C8A: variants seen among roughly 807,000 people sequenced by gnomAD.
C8A encodes complement C8 alpha chain.
C8A carries 67 observed loss-of-function variants against 65.3 expected under a neutral mutation model. The observed-to-expected ratio is 1.03, with a 90% CI of 0.84 to 1.26. C8A has a LOEUF of 1.26. Ranked by LOEUF, C8A falls within the 50% of genes most tolerant of loss-of-function variation. C8A has a pLI of 0.00. For missense variants in C8A, 781 were observed against 723.9 expected, an observed-to-expected ratio of 1.08 and a Z score of -0.90; for synonymous variants, 290 against 259.4, an observed-to-expected ratio of 1.12 and a Z score of -1.13.
At chr1:56,855,387 C>T (rs1033144389) in intron 1 of C8A, among the ~76,000 whole-genome samples, 7 of 152,120 alleles carry the variant, frequency 4.6e-5, no homozygotes, top group African/African-American at 1.7e-4. Flanking sequence ...GTTAACTTAA[C>T]CCCTACTTTC....
At chr1:56,888,770 G>A (rs1249066563) in intron 7 of C8A, among the ~76,000 whole-genome samples, 2 of 152,094 alleles carry the variant, frequency 1.3e-5, no homozygotes, top group African/African-American at 2.4e-5. Flanking sequence ...AACATTTGTT[G>A]AGCACCTACT....
Position 56,906,762 on chromosome 1 carries a change from C to A in C8A, c.1192C>A (p.His398Asn). 6.2e-7 allele frequency: 1 copy of A among 1,613,980 alleles called. No homozygotes were observed. Among genetic ancestry groups the A allele is most frequent in the Non-Finnish European group, 8.5e-7 (1 of 1,179,948 alleles). ...TGTTGGTGGAGGTTTATCAGGAGACCATTGTAAAAAATTTGGAGGTGGCAA... is the reference window on the plus strand; with the variant it reads ...TGTTGGTGGAGGTTTATCAGGAGACAATTGTAAAAAATTTGGAGGTGGCAA... ...INVGGGLSGDHCKKFGGGKTE... is the reference protein window; with the variant it reads ...INVGGGLSGDNCKKFGGGKTE... The change falls in exon 8 of 11, where the codon CAT (histidine) becomes AAT (asparagine). Residue 398 changes from histidine to asparagine, a missense_variant. By Grantham distance (68) the His-to-Asn change is moderately conservative. Coordinates refer to ENST00000361249, the MANE Select transcript of C8A (RefSeq NM_000562.3).
chr1:56,912,265 A>G, intron 9 of C8A, 138 bp from the exon 10 acceptor site: 1 of 706,408 alleles, frequency 1.4e-6, no homozygotes, highest in Non-Finnish European at 2.5e-6. Context: ...TGAGGATCCA[A>G]GGTGGTGGGA....
chr1:56,865,871 A>G (rs1644082741), intron 1 of C8A, among the ~76,000 whole-genome samples: 1 of 152,208 alleles, frequency 6.6e-6, no homozygotes, highest in Admixed American at 6.6e-5. Context: ...TAATATTTGT[A>G]AGGCACATAC....
chr1:56,885,408 T>A (rs1339952008), intron 6 of C8A, among the ~76,000 whole-genome samples: 13 of 127,412 alleles, frequency 1.0e-4, no homozygotes, highest in Non-Finnish European at 1.6e-4. Flanking sequence ...AAATATATAT[T>A]TATTTAAATA....
intron 7 of C8A, among the ~76,000 whole-genome samples, chr1:56,903,396 A>G (rs1644441260): frequency 6.6e-6 from 1 of 152,084 alleles, no homozygotes; most frequent in African/African-American, 2.4e-5. Context: ...TTCTTCCATG[A>G]TTGTGAGTTT....
intron 4 of C8A, among the ~76,000 whole-genome samples, chr1:56,877,995 C>A (rs912231974): frequency 7.2e-5 from 11 of 152,172 alleles, no homozygotes; most frequent in African/African-American, 2.7e-4. Context: ...TCCTGAGTGG[C>A]TTAAACAGCA....
chr1:56,903,511 C>G (rs899885777), intron 7 of C8A, among the ~76,000 whole-genome samples: 2 of 152,198 alleles, frequency 1.3e-5, no homozygotes, highest in African/African-American at 2.4e-5. Context: ...TGAGAATGGA[C>G]TAATACACTT....
chr1:56,908,235 C>T, intron 9 of C8A, 122 bp downstream of exon 9: 1 of 1,142,360 alleles, frequency 8.8e-7, no homozygotes, highest in Non-Finnish European at 1.3e-6. Flanking sequence ...TAATGGCACA[C>T]TGAACTAGTG....
At chr1:56,874,563 G>A (rs1484041603) in intron 2 of C8A, among the ~76,000 whole-genome samples, 2 of 152,170 alleles carry the variant, frequency 1.3e-5, no homozygotes, top group African/African-American at 2.4e-5. Context: ...CTACGTGGAT[G>A]CTCAATTGCA....
At chr1:56,868,901 T>C (rs1027714789) in intron 2 of C8A, among the ~76,000 whole-genome samples, 1 of 152,232 alleles carries the variant, frequency 6.6e-6, no homozygotes, top group African/African-American at 2.4e-5. Context: ...AATTGGAGTA[T>C]AAAAGTACCT....
chr1:56,916,398 A>G (rs1311737030), intron 10 of C8A, among the ~76,000 whole-genome samples: 1 of 152,184 alleles, frequency 6.6e-6, no homozygotes, highest in African/African-American at 2.4e-5. Context: ...GTCAAATTCC[A>G]TGGAGGCCCA....
chr1:56,869,167 C>T (rs1443776747), intron 2 of C8A, among the ~76,000 whole-genome samples: 1 of 152,118 alleles, frequency 6.6e-6, no homozygotes, highest in Non-Finnish European at 1.5e-5. Context: ...TATTCCCTCA[C>T]CCTCCCCACC....
intron 2 of C8A, 54 bp from the exon 3 acceptor site, chr1:56,874,895 G>T: frequency 6.2e-7 from 1 of 1,603,830 alleles, no homozygotes; most frequent in Non-Finnish European, 8.5e-7. Context: ...CACAAGTCTT[G>T]GTTGATTGAT....
chr1:56,864,691 G>A (rs981195126), intron 1 of C8A, among the ~76,000 whole-genome samples: 1 of 152,148 alleles, frequency 6.6e-6, no homozygotes, highest in Non-Finnish European at 1.5e-5. Flanking sequence ...ATGATGACAG[G>A]AATTGATGTA....
At chr1:56,903,374 G>A (rs1288251509) in intron 7 of C8A, among the ~76,000 whole-genome samples, 2 of 152,118 alleles carry the variant, frequency 1.3e-5, no homozygotes, top group African/African-American at 2.4e-5. Flanking sequence ...AGAAGGATGT[G>A]TTTGCTTCCC....
chr1:56,880,202 A>G (rs1302112230), intron 4 of C8A, among the ~76,000 whole-genome samples: 1 of 152,168 alleles, frequency 6.6e-6, no homozygotes, highest in Non-Finnish European at 1.5e-5. Context: ...AGAAAATTAA[A>G]GCTGTATTTC....
rs540492823 is a variant in C8A, at chr1:56,914,924, C to T, written c.1603+2299C>T. Among the ~76,000 whole-genome samples, 386 of 152,270 alleles carry T rather than the reference C, an allele frequency of 2.5e-3. 2 individuals carry two copies. The highest frequency in any genetic ancestry group is 6.8e-3 in the Middle Eastern group (2 of 294). ...AACTCCTAGTCTCAAGTGATCTGCC[C>T]GCCTCAGCCTCCCAAGGTCCTGGGA... On this transcript the variant is annotated intron_variant, in intron 10 of 10. Coordinates refer to ENST00000361249, the MANE Select transcript of C8A (RefSeq NM_000562.3).
chr1:56,873,581 G>C (rs1644168746), intron 2 of C8A, among the ~76,000 whole-genome samples: 1 of 152,146 alleles, frequency 6.6e-6, no homozygotes, highest in Non-Finnish European at 1.5e-5. Flanking sequence ...TTTAGAAACT[G>C]AGCCACAAAG....
Sources: allele counts gnomAD v4.1 joint callset (sites outside exome capture counted in the v4.1 genomes callset), GRCh38; gene constraint gnomAD v4.1.1; transcripts MANE v1.5; gene names NCBI Gene and HGNC (gene_info 2026-07-23, HGNC 2026-07-21).